ANKS1B: variants seen among roughly 807,000 people sequenced by gnomAD.
The protein encoded by ANKS1B is ankyrin repeat and sterile alpha motif domain containing 1B.
ANKS1B carries 36 observed loss-of-function variants against 148.3 expected under a neutral mutation model. That is an observed-to-expected ratio of 0.24 (90% confidence interval 0.19 to 0.32). The LOEUF (loss-of-function observed/expected upper bound fraction) is 0.32. ANKS1B is among the 10% of genes least tolerant of loss of function. ANKS1B has a pLI of 1.00. For missense variants in ANKS1B, 1,157 were observed against 1,542.6 expected (o/e 0.75, Z 4.19); for synonymous variants, 542 against 560.8 (o/e 0.97, Z 0.47).
chr12:99,027,339 C>G (rs929547635), intron 17 of ANKS1B, among the ~76,000 whole-genome samples: 2 of 152,054 alleles, frequency 1.3e-5, no homozygotes, highest in Non-Finnish European at 2.9e-5. Context: ...ACATCTTGAC[C>G]AGAAACATAA....
intron 10 of ANKS1B, among the ~76,000 whole-genome samples, chr12:99,486,277 G>C (rs1013217607): frequency 1.3e-5 from 2 of 151,600 alleles, no homozygotes; most frequent in Admixed American, 1.3e-4. Flanking sequence ...CTTAGTTCTT[G>C]GTACTTTCAG....
At chr12:99,195,321 T>C (rs1241867998) in intron 14 of ANKS1B, among the ~76,000 whole-genome samples, 3 of 152,164 alleles carry the variant, frequency 2.0e-5, no homozygotes, top group African/African-American at 7.2e-5. Flanking sequence ...TTAAATCTCT[T>C]CTGAAAATCT....
At chr12:99,178,073 A>T (rs2078624175) in intron 14 of ANKS1B, among the ~76,000 whole-genome samples, 1 of 152,160 alleles carries the variant, frequency 6.6e-6, no homozygotes, top group Non-Finnish European at 1.5e-5. Context: ...TCTTCTGCTC[A>T]TCACTTTCAG....
chr12:99,499,049 C>T (rs1205214922), intron 10 of ANKS1B, among the ~76,000 whole-genome samples: 4 of 152,174 alleles, frequency 2.6e-5, no homozygotes, highest in Non-Finnish European at 5.9e-5. Context: ...AAACTATTTC[C>T]TTACCTAACC....
chr12:98,971,627 G>A (rs904217802), intron 17 of ANKS1B, among the ~76,000 whole-genome samples: 2 of 152,048 alleles, frequency 1.3e-5, no homozygotes, highest in Non-Finnish European at 2.9e-5. Context: ...TCAAATGAAG[G>A]GCTGTGTGTC....
intron 6 of ANKS1B, 23 bp downstream of exon 6, chr12:99,779,848 A>G (rs1272079298): frequency 1.9e-6 from 3 of 1,548,758 alleles, no homozygotes; most frequent in Non-Finnish European, 2.7e-6. Context: ...AGGCAAACTC[A>G]TCCATCATTC....
chr12:99,561,846 T>C (rs1179459660), intron 9 of ANKS1B, among the ~76,000 whole-genome samples: 1 of 152,240 alleles, frequency 6.6e-6, no homozygotes, highest in Non-Finnish European at 1.5e-5. Context: ...CCTCCTCCCA[T>C]GAATCACAAA....
In ANKS1B at chr12:99,950,113, A is replaced by ATTTTTTTTTTTTT. The variant is rs35287842; in HGVS notation, c.134+33978_134+33990dup. Among the ~76,000 whole-genome samples, 308 of 90,536 alleles carry ATTTTTTTTTTTTT rather than the reference A, an allele frequency of 3.4e-3. 18 individuals carry two copies. Among genetic ancestry groups the ATTTTTTTTTTTTT allele is most frequent in the African/African-American group, 0.015 (297 of 20,106 alleles). The allele number at this position is 90,536 out of a possible 152,430, so 59.4% of individuals were successfully genotyped here. On this transcript the variant is annotated intron_variant, in intron 1 of 26. Coordinates refer to ENST00000683438, the MANE Select transcript of ANKS1B (RefSeq NM_001352186.2). ...AGGTGCACGCCATCATGCTCAGTTA[A>ATTTTTTTTTTTTT]TTTTTTTTTTTTTTTTTTTTTTTTT...
At chr12:99,513,527 G>GA (rs1259395562) in intron 9 of ANKS1B, among the ~76,000 whole-genome samples, 1 of 151,932 alleles carries the variant, frequency 6.6e-6, no homozygotes, top group African/African-American at 2.4e-5. Flanking sequence ...TTTTCAAAAA[G>GA]AAAAAATTTG....
chr12:99,456,361 G>C (rs1238350965), intron 10 of ANKS1B, among the ~76,000 whole-genome samples: 3 of 152,114 alleles, frequency 2.0e-5, no homozygotes, highest in Middle Eastern at 3.4e-3. Context: ...GACAAAACAA[G>C]GTTCTTTAAC....
intron 25 of ANKS1B, among the ~76,000 whole-genome samples, chr12:98,760,078 T>C (rs940294591): frequency 2.0e-5 from 3 of 152,356 alleles, no homozygotes; most frequent in Middle Eastern, 3.4e-3. Flanking sequence ...TATATATGCA[T>C]AGAAAATAGC....
intron 14 of ANKS1B, among the ~76,000 whole-genome samples, chr12:99,155,884 C>T (rs1601216684): frequency 1.3e-5 from 2 of 152,126 alleles, no homozygotes; most frequent in African/African-American, 4.8e-5. Context: ...AAAGATATTT[C>T]ACTTCCTACC....
At chr12:99,245,385 T>A (rs2090081509) in intron 13 of ANKS1B, among the ~76,000 whole-genome samples, 1 of 152,196 alleles carries the variant, frequency 6.6e-6, no homozygotes, top group Non-Finnish European at 1.5e-5. Context: ...GAAGATATGA[T>A]GGTCTAAGCT....
At chr12:99,787,574 A>G (rs1219101999) in intron 4 of ANKS1B, among the ~76,000 whole-genome samples, 1 of 152,242 alleles carries the variant, frequency 6.6e-6, no homozygotes, top group East Asian at 1.9e-4. Context: ...ATTGCAGAAT[A>G]TAAGCCTACA....
intron 9 of ANKS1B, chr12:99,648,791 T>C: frequency 5.6e-6 from 9 of 1,608,200 alleles, no homozygotes; most frequent in Non-Finnish European, 7.6e-6. Context: ...AGCCCAGTGG[T>C]GAGTCTATGC....
intron 12 of ANKS1B, among the ~76,000 whole-genome samples, chr12:99,295,113 T>C (rs765837710): frequency 1.3e-5 from 2 of 152,156 alleles, no homozygotes; most frequent in African/African-American, 2.4e-5. Flanking sequence ...CTGAGTCATG[T>C]GGTAGGTAGA....
chr12:98,776,738 A>G (rs2098680663), intron 24 of ANKS1B, among the ~76,000 whole-genome samples: 1 of 152,184 alleles, frequency 6.6e-6, no homozygotes, highest in Non-Finnish European at 1.5e-5. Flanking sequence ...GCTTTTCCTG[A>G]GTGAGGAGAC....
At chr12:99,422,166 A>G (rs1464317245) in intron 11 of ANKS1B, among the ~76,000 whole-genome samples, 5 of 152,222 alleles carry the variant, frequency 3.3e-5, no homozygotes, top group Non-Finnish European at 7.3e-5. Flanking sequence ...CAAAACATAA[A>G]GATGGATGTT....
intron 8 of ANKS1B, among the ~76,000 whole-genome samples, chr12:99,685,728 ATGTG>A (rs898434491): frequency 7.3e-5 from 11 of 150,554 alleles, no homozygotes; most frequent in Admixed American, 1.3e-4. Flanking sequence ...GGGTGTGTTT[ATGTG>A]TGTGTGTGTG....
Sources: allele counts gnomAD v4.1 joint callset (sites outside exome capture counted in the v4.1 genomes callset), GRCh38; gene constraint gnomAD v4.1.1; transcripts MANE v1.5; gene names NCBI Gene and HGNC (gene_info 2026-07-23, HGNC 2026-07-21).